Variants in CACNA1G observed in about 807,000 individuals in gnomAD.
The protein encoded by CACNA1G is voltage-dependent T-type calcium channel subunit alpha-1G.
In CACNA1G, 67 loss-of-function variants were observed where a neutral mutation model predicts 219.4. The observed-to-expected ratio is 0.31, with a 90% CI of 0.25 to 0.37. The LOEUF is 0.37. Ranked by LOEUF, CACNA1G falls within the 10% of genes least tolerant of loss-of-function variation. CACNA1G has a pLI of 1.00. For missense variants in CACNA1G, 2,380 were observed against 3,231.4 expected (o/e 0.74, Z 6.39); for synonymous variants, 1,296 against 1,345.3 (o/e 0.96, Z 0.80).
At position 50,571,776 on chromosome 17, in the gene CACNA1G, C is replaced by T; in HGVS notation, c.587-102C>T. 1 of 1,239,548 alleles carries T rather than the reference C, an allele frequency of 8.1e-7. No homozygotes were observed. Among genetic ancestry groups the T allele is most frequent in the South Asian group, 1.3e-5 (1 of 79,088 alleles). The allele number at this position is 1,239,548 out of a possible 1,614,324, so 76.8% of individuals were successfully genotyped here. A position where few individuals can be genotyped will look rare whatever the true frequency, so the allele number is the denominator to read the frequency against. On this transcript the variant is annotated intron_variant, in intron 4 of 37. Transcript: ENST00000359106. This position sits in a 1 kb window ranked among gnomAD's most constrained non-coding sequence, Gnocchi z 4.3. ...CCAGCTTGAGCCGGGCCGTCTCAGC[C>T]TCAGAGTCCCTGGTGGGGCCCCTCC...
intron 7 of CACNA1G, 109 bp downstream of exon 7, chr17:50,573,222 C>G (rs535376440): frequency 1.3e-6 from 1 of 780,718 alleles, no homozygotes; most frequent in African/African-American, 1.7e-5. Flanking sequence ...GCTCTCAGGA[C>G]AAGTCCTGTA....
At chr17:50,579,756 C>T (rs1022194026) in intron 9 of CACNA1G, among the ~76,000 whole-genome samples, 12 of 152,076 alleles carry the variant, frequency 7.9e-5, no homozygotes, top group East Asian at 3.9e-4. Flanking sequence ...GGAGCAGAGG[C>T]GGAGGGGGCC....
At chr17:50,562,415 G>A (rs1270157740) in intron 1 of CACNA1G, among the ~76,000 whole-genome samples, 4 of 152,196 alleles carry the variant, frequency 2.6e-5, no homozygotes, top group African/African-American at 7.2e-5. Context: ...ATGTGGTGGA[G>A]GGGAGCTGTC....
chr17:50,569,459 T>C (rs763947146), intron 3 of CACNA1G, among the ~76,000 whole-genome samples, 161 bp downstream of exon 3: 3 of 152,038 alleles, frequency 2.0e-5, no homozygotes, highest in Non-Finnish European at 4.4e-5. Flanking sequence ...TCTAGCACTG[T>C]AGCCTATATT....
intron 9 of CACNA1G, among the ~76,000 whole-genome samples, chr17:50,585,286 C>A (rs539864006): frequency 6.6e-6 from 1 of 152,188 alleles, no homozygotes; most frequent in South Asian, 2.1e-4. Flanking sequence ...GCTGGGACTA[C>A]GGGCACCTGC....
At chr17:50,590,333 TG>T in intron 9 of CACNA1G, 137 bp from the exon 10 acceptor site, 2 of 961,614 alleles carry the variant, frequency 2.1e-6, no homozygotes, top group Non-Finnish European at 3.1e-6. Context: ...GTCCTCCCCA[TG>T]GGCCTGAGCA....
At chr17:50,601,649 C>T (rs929316903) in intron 19 of CACNA1G, among the ~76,000 whole-genome samples, 3 of 152,156 alleles carry the variant, frequency 2.0e-5, no homozygotes, top group African/African-American at 4.8e-5. Flanking sequence ...TGCTTGGCTG[C>T]GAACCTGTCA....
At chr17:50,606,107 C>T (rs766607113) in intron 23 of CACNA1G, 84 bp downstream of exon 23, 23 of 1,563,678 alleles carry the variant, frequency 1.5e-5, no homozygotes, top group Middle Eastern at 1.7e-4. Context: ...CTGCTGACTC[C>T]GGTGGAGGTG....
At position 50,578,306 on chromosome 17, in the gene CACNA1G, C is replaced by A. The variant is rs368524369; in HGVS notation, c.2043C>A (p.Ala681=). 1 of 1,613,134 alleles carries A rather than the reference C, an allele frequency of 6.2e-7. No homozygotes were observed. Among genetic ancestry groups the A allele is most frequent in the East Asian group, 2.2e-5 (1 of 44,878 alleles). ...CCGGGGCAGGGGAGGTGGAGCTCGCCGACCGTGAAATGCCTGACTCAGACA... is the reference window on the plus strand; with the variant it reads ...CCGGGGCAGGGGAGGTGGAGCTCGCAGACCGTGAAATGCCTGACTCAGACA... ...ARAGAGEVEL[A]DREMPDSDSE... is the part of the protein sequence containing the mutation. The change falls in exon 9 of 38, where the codon GCC becomes GCA. Residue 681 remains alanine (A), a synonymous_variant. Transcript: ENST00000359106. This position sits in a 1 kb window ranked among gnomAD's most constrained non-coding sequence, Gnocchi z 4.5.
intron 4 of CACNA1G, 136 bp downstream of exon 4, chr17:50,569,939 G>A (rs2038988281): frequency 3.1e-6 from 2 of 641,238 alleles, no homozygotes; most frequent in African/African-American, 1.8e-5. Context: ...GTGGGGAGCT[G>A]GGATTGCTGG....
chr17:50,571,625 A>G lies in CACNA1G; in HGVS notation c.587-253A>G, dbSNP rs1176228657. ...TGTTGGGAGAGTTAGGAGGGGCCAC[A>G]GTTTCCCCAGCTCACTGTTGGTGGT... On this transcript the variant is annotated intron_variant, in intron 4 of 37. Coordinates refer to ENST00000359106, the MANE Select transcript of CACNA1G (RefSeq NM_018896.5). This position sits in a 1 kb window ranked among gnomAD's most constrained non-coding sequence, Gnocchi z 4.3. Among the ~76,000 whole-genome samples, 2 of 152,320 alleles carry G rather than the reference A, an allele frequency of 1.3e-5. No homozygotes were observed. The highest frequency in any genetic ancestry group is 2.4e-5 in the African/African-American group (1 of 41,580).
At chr17:50,604,523 G>C (rs556924416) in intron 22 of CACNA1G, among the ~76,000 whole-genome samples, 1 of 152,256 alleles carries the variant, frequency 6.6e-6, no homozygotes, top group Non-Finnish European at 1.5e-5. Flanking sequence ...CATGGGAGCC[G>C]CAGGCTGCTG....
intron 9 of CACNA1G, among the ~76,000 whole-genome samples, chr17:50,580,818 C>A (rs987229109): frequency 6.6e-6 from 1 of 152,162 alleles, no homozygotes; most frequent in Non-Finnish European, 1.5e-5. Flanking sequence ...AGCTGTCCAG[C>A]GGGCTCAGGG....
At chr17:50,582,347 C>G (rs1201849395) in intron 9 of CACNA1G, among the ~76,000 whole-genome samples, 1 of 152,160 alleles carries the variant, frequency 6.6e-6, no homozygotes, top group Admixed American at 6.5e-5. Flanking sequence ...ACTACATCTT[C>G]ATCCCTGGAA....
At position 50,596,442 on chromosome 17, in the gene CACNA1G, G is replaced by C. The variant is rs996431769; in HGVS notation, c.2980-120G>C. On this transcript the variant is annotated intron_variant, in intron 14 of 37. Transcript: ENST00000359106. This position sits in a 1 kb window ranked among gnomAD's most constrained non-coding sequence, Gnocchi z 4.8. ...GCCTGCGCCGTGCATGTCTCGTGCC[G>C]TGGTTGCTGGTTCCTGTGGCCTATA... The C allele has an allele frequency of 3.8e-6, 3 of 796,680 alleles. No homozygotes were observed. Among genetic ancestry groups the C allele is most frequent in the African/African-American group, 1.7e-5 (1 of 58,986 alleles). 49.4% of individuals were successfully genotyped at this position (796,680 alleles called of 1,614,324 possible).
Position 50,619,827 on chromosome 17 carries a change from G to T in CACNA1G, c.5925+1G>T. On this transcript the variant is annotated splice_donor_variant, in intron 34 of 37. Coordinates refer to ENST00000359106, the MANE Select transcript of CACNA1G (RefSeq NM_018896.5). LOFTEE classifies it high-confidence loss of function. ...CAGCCTGGGAGGCTCCGACCCACAG[G>T]TTACTGTGCCCCTGTGCTGTGCCCT... The T allele has an allele frequency of 1.2e-6, 2 of 1,602,890 alleles. No individual in the cohort carries two copies. Among genetic ancestry groups the T allele is most frequent in the Non-Finnish European group, 1.7e-6 (2 of 1,177,356 alleles).
At chr17:50,566,314 C>T (rs971554825) in intron 1 of CACNA1G, among the ~76,000 whole-genome samples, 2 of 139,342 alleles carry the variant, frequency 1.4e-5, no homozygotes, top group Admixed American at 7.3e-5. Flanking sequence ...AGACCCCCCC[C>T]CCATCAATTA....
chr17:50,596,920 A>G lies in CACNA1G; in HGVS notation c.3255A>G (p.Ser1085=). 4 of 1,554,836 alleles carry G rather than the reference A, an allele frequency of 2.6e-6. No homozygotes were observed. Among genetic ancestry groups the G allele is most frequent in the Non-Finnish European group, 3.5e-6 (4 of 1,149,858 alleles). Residue 1085 remains serine, a synonymous_variant, in exon 16 of 38, where the codon TCA becomes TCG. Transcript: ENST00000359106. The surrounding 1 kb of genome is among the most constrained non-coding windows in gnomAD (Gnocchi z 4.8). ...CTGGGGCGGCCCACGAGATGAAGTC[A>G]CCGGTAGGGGGTGCATGTGGGTACC... ...AEPGAAHEMK[S]PPSARSSPHS...
chr17:50,572,161 T>C (rs1322060754), intron 5 of CACNA1G, 124 bp downstream of exon 5: 1 of 1,155,550 alleles, frequency 8.7e-7, no homozygotes, highest in African/African-American at 1.6e-5. Context: ...TATCTGGTTC[T>C]CAAACTTGGC....
Sources: allele counts gnomAD v4.1 joint callset (sites outside exome capture counted in the v4.1 genomes callset), GRCh38; gene constraint gnomAD v4.1.1; non-coding constraint Gnocchi (gnomAD v3.1); transcripts MANE v1.5; gene names NCBI Gene and HGNC (gene_info 2026-07-23, HGNC 2026-07-21).